The following CNTNAP5 variants were observed in gnomAD, a reference collection of about 807,000 sequenced individuals.
CNTNAP5 encodes contactin associated protein family member 5, also known as contactin-associated protein-like 5.
A neutral mutation model predicts 150.2 loss-of-function variants in CNTNAP5; 72 were observed. The observed-to-expected ratio is 0.48, with a 90% CI of 0.40 to 0.58. The LOEUF (loss-of-function observed/expected upper bound fraction) is 0.58. Among genes scored for constraint, CNTNAP5 ranks in the 20% least tolerant of loss-of-function variants. The pLI is 0.00. For missense variants in CNTNAP5, 1,636 were observed against 1,626.2 expected (o/e 1.01, Z -0.10); for synonymous variants, 672 against 619.8 (o/e 1.08, Z -1.25).
intron 14 of CNTNAP5, among the ~76,000 whole-genome samples, chr2:124,751,750 A>G (rs1680731942): frequency 6.6e-6 from 1 of 152,196 alleles, no homozygotes; most frequent in African/African-American, 2.4e-5. Flanking sequence ...TTAATCAGAA[A>G]ACTGACTTGG....
At chr2:124,094,938 G>A (rs1221553816) in intron 1 of CNTNAP5, among the ~76,000 whole-genome samples, 2 of 152,172 alleles carry the variant, frequency 1.3e-5, no homozygotes, top group African/African-American at 4.8e-5. Flanking sequence ...ACCATGGTGG[G>A]CACTGCTGCC....
rs1400450199 is a variant in CNTNAP5, at chr2:124,329,331, C to T, written c.381+86938C>T. Among the ~76,000 whole-genome samples the T allele has an allele frequency of 2.0e-5, 3 of 152,112 alleles. No homozygotes were observed. The East Asian group carries it at 5.8e-4, about 29-fold the overall frequency. On this transcript the variant is annotated intron_variant, in intron 3 of 23. Transcript: ENST00000682447. ...TCTTTCCAGGTTATTTGATAAGACT[C>T]TTACGAAGCAATTTTAAGACTTGCA... is the stretch of plus-strand genomic sequence containing the variant.
intron 17 of CNTNAP5, among the ~76,000 whole-genome samples, chr2:124,787,713 T>C (rs1681630079): frequency 6.6e-6 from 1 of 152,136 alleles, no homozygotes. Flanking sequence ...GACCCACCAT[T>C]GGGCCAGTCT....
At chr2:124,054,616 G>C (rs553334110) in intron 1 of CNTNAP5, among the ~76,000 whole-genome samples, 93 of 152,244 alleles carry the variant, frequency 6.1e-4, no homozygotes, top group African/African-American at 2.1e-3. Flanking sequence ...AAGTTCTGTG[G>C]GATGTTATTG....
intron 1 of CNTNAP5, among the ~76,000 whole-genome samples, chr2:124,202,638 T>C (rs528713731): frequency 1.3e-5 from 2 of 152,326 alleles, no homozygotes; most frequent in African/African-American, 4.8e-5. Context: ...CAGTTACACA[T>C]GGCTGGGAAG....
intron 2 of CNTNAP5, among the ~76,000 whole-genome samples, chr2:124,237,216 T>A (rs1037110337): frequency 7.2e-5 from 11 of 152,320 alleles, no homozygotes; most frequent in African/African-American, 2.6e-4. Context: ...CTCCAGTTGG[T>A]CTTGGACTAA....
At chr2:124,854,813 A>G (rs1381966234) in intron 19 of CNTNAP5, among the ~76,000 whole-genome samples, 1 of 152,178 alleles carries the variant, frequency 6.6e-6, no homozygotes, top group Non-Finnish European at 1.5e-5. Context: ...TGAGATTTGT[A>G]TTCTACGTGA....
chr2:124,391,628 G>A (rs1481421820), intron 3 of CNTNAP5, among the ~76,000 whole-genome samples: 1 of 152,182 alleles, frequency 6.6e-6, no homozygotes, highest in Non-Finnish European at 1.5e-5. Context: ...TGACAGTCTT[G>A]TGAATCCAGA....
At chr2:124,227,317 T>C in intron 2 of CNTNAP5, among the ~76,000 whole-genome samples, 1 of 152,212 alleles carries the variant, frequency 6.6e-6, no homozygotes, top group African/African-American at 2.4e-5. Flanking sequence ...CTATTCTCTC[T>C]TCCAAGAGGG....
intron 1 of CNTNAP5, among the ~76,000 whole-genome samples, chr2:124,131,112 T>C (rs534375160): frequency 6.6e-6 from 1 of 152,326 alleles, no homozygotes; most frequent in African/African-American, 2.4e-5. Flanking sequence ...TTTTAGTTGA[T>C]GTATCCTTCA....
chr2:124,678,925 C>G (rs1679002972), intron 13 of CNTNAP5, among the ~76,000 whole-genome samples: 2 of 152,012 alleles, frequency 1.3e-5, no homozygotes, highest in Non-Finnish European at 1.5e-5. Flanking sequence ...GCTATAGGCA[C>G]TCAATAAATG....
chr2:124,888,576 GCTT>G (rs1398684482), intron 21 of CNTNAP5, among the ~76,000 whole-genome samples: 1 of 152,066 alleles, frequency 6.6e-6, no homozygotes, highest in Non-Finnish European at 1.5e-5. Context: ...CAGTGAATAA[GCTT>G]CTTCTTTTCT....
intron 18 of CNTNAP5, 56 bp from the exon 19 acceptor site, chr2:124,798,040 C>G: frequency 1.5e-6 from 2 of 1,372,766 alleles, no homozygotes; most frequent in Non-Finnish European, 2.0e-6. Flanking sequence ...CTAAGGTTAG[C>G]TTGAACAATG....
chr2:124,222,962 G>C (rs1686363263), intron 2 of CNTNAP5, among the ~76,000 whole-genome samples: 1 of 152,070 alleles, frequency 6.6e-6, no homozygotes, highest in East Asian at 1.9e-4. Flanking sequence ...AAAAACAAAA[G>C]AATGGCCAAA....
intron 11 of CNTNAP5, among the ~76,000 whole-genome samples, chr2:124,592,245 G>C (rs781509195): frequency 2.6e-5 from 4 of 151,910 alleles, no homozygotes; most frequent in Non-Finnish European, 5.9e-5. Flanking sequence ...ACTAGACATG[G>C]TGTTTCTGGG....
At position 124,074,909 on chromosome 2, in the gene CNTNAP5, G is replaced by T. The variant is rs72978430; in HGVS notation, c.82+49177G>T. On this transcript the variant is annotated intron_variant, in intron 1 of 23. Transcript: ENST00000682447. Reference sequence around the variant, plus strand: ...CCTCATTTACTGTGAGCAAAGCATGGTGCTATTCCATTTTACGTAGTTTGA... The same window carrying T: ...CCTCATTTACTGTGAGCAAAGCATGTTGCTATTCCATTTTACGTAGTTTGA... Among the ~76,000 whole-genome samples the T allele has an allele frequency of 5.8e-3, 887 of 152,146 alleles. 9 individuals carry two copies. The highest frequency in any genetic ancestry group is 0.02 in the African/African-American group (848 of 41,512).
chr2:124,363,743 C>T (rs773567384), intron 3 of CNTNAP5, among the ~76,000 whole-genome samples: 1 of 152,100 alleles, frequency 6.6e-6, no homozygotes, highest in South Asian at 2.1e-4. Context: ...ACAAAACCTT[C>T]GGAAGTAGGT....
intron 3 of CNTNAP5, among the ~76,000 whole-genome samples, chr2:124,312,115 AGT>A (rs1688844699): frequency 6.6e-6 from 1 of 152,254 alleles, no homozygotes; most frequent in Non-Finnish European, 1.5e-5. Context: ...TAGGTGACCC[AGT>A]GTGAGCCATA....
At chr2:124,027,572 T>TAATGTGTTTTAA (rs1680931617) in intron 1 of CNTNAP5, among the ~76,000 whole-genome samples, 1 of 152,254 alleles carries the variant, frequency 6.6e-6, no homozygotes, top group Admixed American at 6.5e-5. Flanking sequence ...GAATTATGGT[T>TAATGTGTTTTAA]AATGTGTTTT....
Sources: gnomAD v4.1 joint callset for allele counts (sites outside exome capture counted in the v4.1 genomes callset) on GRCh38, gnomAD v4.1.1 for gene constraint, MANE v1.5 for transcripts, NCBI Gene and HGNC (gene_info 2026-07-23, HGNC 2026-07-21) for gene names.